The following COL25A1 variants were observed in gnomAD, a reference collection of about 807,000 sequenced individuals.
The protein encoded by COL25A1 is collagen alpha-1(XXV) chain.
COL25A1 carries 103 observed loss-of-function variants against 128.4 expected under a neutral mutation model. The observed-to-expected ratio is 0.80, with a 90% CI of 0.68 to 0.94. The LOEUF (loss-of-function observed/expected upper bound fraction) is 0.94. COL25A1 is among the 40% of genes least tolerant of loss of function. The pLI is 0.00. For synonymous variants in COL25A1, 279 were observed against 277.2 expected, an observed-to-expected ratio of 1.01 and a Z score of -0.06; for missense variants, 745 against 840.0, an observed-to-expected ratio of 0.89 and a Z score of 1.40.
intron 5 of COL25A1, among the ~76,000 whole-genome samples, chr4:109,018,649 A>G (rs1356664735): frequency 6.6e-6 from 1 of 152,014 alleles, no homozygotes; most frequent in Non-Finnish European, 1.5e-5. Context: ...CCCATCCTCA[A>G]CTCTGTGAAT....
chr4:108,907,828 TATC>T lies in COL25A1; in HGVS notation c.781-6659_781-6657del, dbSNP rs1348737749. On this transcript the variant is annotated intron_variant, in intron 13 of 37. Transcript: ENST00000399132. ...CTTTAGGACACTAATACCAGCCTAA[TATC>T]ATAATACCAGCTGTTCCACATAATA... Among the ~76,000 whole-genome samples the T allele has an allele frequency of 2.6e-5, 4 of 152,218 alleles. No homozygotes were observed. The South Asian group carries it at 8.3e-4, about 32-fold the overall frequency.
At chr4:109,211,313 T>C (rs1190211082) in intron 3 of COL25A1, among the ~76,000 whole-genome samples, 2 of 89,366 alleles carry the variant, frequency 2.2e-5, no homozygotes, top group Non-Finnish European at 2.1e-5. Flanking sequence ...TATATATATA[T>C]ATATATATAT....
At chr4:109,131,561 G>A (rs898725048) in intron 3 of COL25A1, among the ~76,000 whole-genome samples, 1 of 152,168 alleles carries the variant, frequency 6.6e-6, no homozygotes, top group Non-Finnish European at 1.5e-5. Context: ...TACGGTGAGG[G>A]GGAGTTCATG....
intron 3 of COL25A1, among the ~76,000 whole-genome samples, chr4:109,204,261 C>T (rs1467673586): frequency 1.3e-5 from 2 of 151,934 alleles, no homozygotes; most frequent in East Asian, 3.9e-4. Context: ...AATATTATAT[C>T]CTAAAGGATC....
At position 108,860,848 on chromosome 4, in the gene COL25A1, T is replaced by C. The variant is rs72668336; in HGVS notation, c.1242+79A>G. On this transcript the variant is annotated intron_variant, in intron 23 of 37. Transcript: ENST00000399132. ...TTAAGTATTATTAATACAGATGTCA[T>C]ATGAATAGCCATGCAGACATGAATT... 142,046 of 1,163,874 alleles carry C rather than the reference T, an allele frequency of 0.12. 9,996 individuals carry two copies. Among genetic ancestry groups the C allele is most frequent in the Non-Finnish European group, 0.14 (111,284 of 772,098 alleles). The allele number at this position is 1,163,874 out of a possible 1,614,324, so 72.1% of individuals were successfully genotyped here. A position where few individuals can be genotyped will look rare whatever the true frequency, so the allele number is the denominator to read the frequency against.
intron 19 of COL25A1, among the ~76,000 whole-genome samples, chr4:108,869,888 G>A (rs1288242712): frequency 1.3e-5 from 2 of 152,218 alleles, no homozygotes; most frequent in Non-Finnish European, 2.9e-5. Flanking sequence ...TAAGGCAGTA[G>A]TATTTCAACC....
At chr4:109,230,733 C>T (rs543611987) in intron 3 of COL25A1, among the ~76,000 whole-genome samples, 142 of 152,144 alleles carry the variant, frequency 9.3e-4, no homozygotes, top group Non-Finnish European at 1.8e-3. Flanking sequence ...TTTGAATTAG[C>T]GGTACAGAGA....
chr4:109,234,228 T>G (rs1056982032), intron 3 of COL25A1, among the ~76,000 whole-genome samples: 2 of 152,158 alleles, frequency 1.3e-5, no homozygotes, highest in Non-Finnish European at 2.9e-5. Context: ...AGATAAGGCT[T>G]GGGCAAGAAT....
intron 3 of COL25A1, among the ~76,000 whole-genome samples, chr4:109,214,224 A>T (rs2345418): frequency 0.31 from 46,480 of 151,994 alleles, 7,483 homozygotes; most frequent in Middle Eastern, 0.4. Context: ...CAAACAAATT[A>T]AAAAAAAGTA....
At chr4:109,208,897 G>C (rs900806456) in intron 3 of COL25A1, among the ~76,000 whole-genome samples, 1 of 152,148 alleles carries the variant, frequency 6.6e-6, no homozygotes, top group East Asian at 1.9e-4. Flanking sequence ...AAACCAGACT[G>C]TTTCTTACAC....
At chr4:109,294,655 G>T (rs145564164) in intron 3 of COL25A1, among the ~76,000 whole-genome samples, 4 of 152,010 alleles carry the variant, frequency 2.6e-5, no homozygotes, top group African/African-American at 9.7e-5. Context: ...GCCGCAGCCC[G>T]GATTGACTCA....
At chr4:109,192,467 A>ACT (rs112690473) in intron 3 of COL25A1, among the ~76,000 whole-genome samples, 7,031 of 152,182 alleles carry the variant, frequency 0.046, 413 homozygotes, top group South Asian at 0.14. Context: ...TCAAAATGTC[A>ACT]GTTTTTAAAG....
intron 3 of COL25A1, among the ~76,000 whole-genome samples, chr4:109,205,288 A>G (rs1182086522): frequency 6.6e-6 from 1 of 152,164 alleles, no homozygotes; most frequent in African/African-American, 2.4e-5. Flanking sequence ...CTGGTTTTTC[A>G]ATATCCATTC....
intron 14 of COL25A1, among the ~76,000 whole-genome samples, chr4:108,900,032 A>T (rs1266389115): frequency 1.3e-5 from 2 of 152,154 alleles, no homozygotes; most frequent in Non-Finnish European, 2.9e-5. Context: ...AAAAAAATGA[A>T]ATAAGGCAAT....
At chr4:109,155,262 A>T (rs967606938) in intron 3 of COL25A1, among the ~76,000 whole-genome samples, 1 of 152,142 alleles carries the variant, frequency 6.6e-6, no homozygotes, top group Non-Finnish European at 1.5e-5. Context: ...AGAAAGAGAA[A>T]CAGACTTAAG....
In COL25A1 at chr4:108,941,794, T is replaced by C. The variant is rs959588159; in HGVS notation, c.493-357A>G. ...AGAAAGTCTAGAGACAAAATGCCAG[T>C]TCCATTTCCGTCAGACTTGTCAACC... On this transcript the variant is annotated intron_variant, in intron 8 of 37. Transcript: ENST00000399132. Among the ~76,000 whole-genome samples, 7 of 152,204 alleles carry C rather than the reference T, an allele frequency of 4.6e-5. No individual in the cohort carries two copies. In the South Asian group the frequency reaches 1.5e-3, roughly 32 times the overall value.
chr4:109,283,105 G>A (rs1338436052), intron 3 of COL25A1, among the ~76,000 whole-genome samples: 2 of 152,192 alleles, frequency 1.3e-5, no homozygotes, highest in East Asian at 1.9e-4. Context: ...ATTAAGTAGA[G>A]AGGATAATTG....
chr4:108,936,330 A>T (rs1205431057), intron 11 of COL25A1, among the ~76,000 whole-genome samples: 15 of 152,126 alleles, frequency 9.9e-5, no homozygotes, highest in Admixed American at 9.8e-4. Flanking sequence ...GCACTTTGGG[A>T]GGCCGAGGCA....
At chr4:109,135,094 A>T (rs1769596652) in intron 3 of COL25A1, among the ~76,000 whole-genome samples, 1 of 151,886 alleles carries the variant, frequency 6.6e-6, no homozygotes, top group African/African-American at 2.4e-5. Flanking sequence ...AGTTTTGGAA[A>T]AAAGGTGGTG....
Sources: allele counts gnomAD v4.1 joint callset (sites outside exome capture counted in the v4.1 genomes callset), GRCh38; gene constraint gnomAD v4.1.1; transcripts MANE v1.5; gene names NCBI Gene and HGNC (gene_info 2026-07-23, HGNC 2026-07-21).